PTPRD: variants seen among roughly 807,000 people sequenced by gnomAD.
The protein encoded by PTPRD is protein tyrosine phosphatase receptor type D, also known as receptor-type tyrosine-protein phosphatase delta.
A neutral mutation model predicts 214.5 loss-of-function variants in PTPRD; 34 were observed. That is an observed-to-expected ratio of 0.16 (90% CI 0.12 to 0.21). PTPRD has a LOEUF of 0.21. Ranked by LOEUF, PTPRD falls within the 10% of genes least tolerant of loss-of-function variation. The probability of loss-of-function intolerance (pLI) is 1.00; values close to 1 mark genes in which losing one functional copy is unlikely to be tolerated. For synonymous variants in PTPRD, 1,128 were observed against 845.7 expected (o/e 1.33, Z -5.79); for missense variants, 2,545 against 2,398.7 (o/e 1.06, Z -1.27).
chr9:10,001,944 G>T (rs2096329700), intron 4 of PTPRD, among the ~76,000 whole-genome samples: 1 of 151,936 alleles, frequency 6.6e-6, no homozygotes. Context: ...ACTCCTACCT[G>T]ACTTAAGAGA....
chr9:10,240,870 T>C (rs1333280057), intron 3 of PTPRD, among the ~76,000 whole-genome samples: 1 of 151,826 alleles, frequency 6.6e-6, no homozygotes, highest in Non-Finnish European at 1.5e-5. Flanking sequence ...TTAAAATAAT[T>C]AGACTTTTTC....
intron 11 of PTPRD, among the ~76,000 whole-genome samples, chr9:8,962,633 C>A (rs1468803391): frequency 6.6e-6 from 1 of 151,960 alleles, no homozygotes; most frequent in African/African-American, 2.4e-5. Flanking sequence ...CACTTAATTA[C>A]AAATTTGTTT....
chr9:10,059,574 G>C (rs1364596084), intron 3 of PTPRD, among the ~76,000 whole-genome samples: 4 of 152,030 alleles, frequency 2.6e-5, no homozygotes, highest in Non-Finnish European at 5.9e-5. Flanking sequence ...CTTTGAATTA[G>C]AGAATTTAGG....
At chr9:10,550,544 A>T (rs1483038083) in intron 2 of PTPRD, among the ~76,000 whole-genome samples, 2 of 152,194 alleles carry the variant, frequency 1.3e-5, no homozygotes, top group Non-Finnish European at 2.9e-5. Flanking sequence ...AGTCCTGTAG[A>T]ACCTACCTCA....
At chr9:8,710,522 G>A (rs1292215468) in intron 12 of PTPRD, among the ~76,000 whole-genome samples, 13 of 152,080 alleles carry the variant, frequency 8.5e-5, no homozygotes, top group Admixed American at 8.5e-4. Context: ...AGGCTGAGGT[G>A]GGAGGATCAC....
At chr9:10,289,361 C>A (rs572394176) in intron 3 of PTPRD, among the ~76,000 whole-genome samples, 3 of 152,104 alleles carry the variant, frequency 2.0e-5, no homozygotes, top group Non-Finnish European at 4.4e-5. Context: ...GTGTAAACTA[C>A]AGAGCAAGCT....
chr9:10,575,541 T>C (rs528598606), intron 2 of PTPRD, among the ~76,000 whole-genome samples: 9 of 152,118 alleles, frequency 5.9e-5, no homozygotes, highest in African/African-American at 9.7e-5. Flanking sequence ...AAAAAAGTCT[T>C]CTTTTAAATC....
At chr9:10,594,511 A>G (rs571833260) in intron 2 of PTPRD, among the ~76,000 whole-genome samples, 1 of 152,132 alleles carries the variant, frequency 6.6e-6, no homozygotes, top group African/African-American at 2.4e-5. Context: ...TTTTCTTTGA[A>G]CTGCTGATTG....
intron 14 of PTPRD, among the ~76,000 whole-genome samples, chr9:8,621,856 T>C (rs1388447734): frequency 6.6e-6 from 1 of 151,936 alleles, no homozygotes; most frequent in Non-Finnish European, 1.5e-5. Context: ...CTAATCCAAG[T>C]TGTTCAAGCC....
At chr9:9,063,257 G>A (rs1410576058) in intron 10 of PTPRD, among the ~76,000 whole-genome samples, 1 of 152,082 alleles carries the variant, frequency 6.6e-6, no homozygotes, top group African/African-American at 2.4e-5. Flanking sequence ...CTTGAAGATG[G>A]CTTCCAGTAC....
intron 2 of PTPRD, among the ~76,000 whole-genome samples, chr9:10,413,900 G>C (rs1429103128): frequency 6.6e-6 from 1 of 151,796 alleles, no homozygotes; most frequent in Non-Finnish European, 1.5e-5. Context: ...TGACTGGCTA[G>C]ACATGCAGCA....
intron 9 of PTPRD, among the ~76,000 whole-genome samples, chr9:9,287,331 A>G (rs1258889795): frequency 2.0e-5 from 3 of 151,832 alleles, no homozygotes. Context: ...CTACTATTTC[A>G]TCGTCACCTT....
chr9:9,860,376 G>T (rs1381778815), intron 5 of PTPRD, among the ~76,000 whole-genome samples: 1 of 152,212 alleles, frequency 6.6e-6, no homozygotes, highest in African/African-American at 2.4e-5. Context: ...TTGAAGAAAT[G>T]TTTGGTTGTC....
chr9:9,873,604 A>G (rs996482415), intron 5 of PTPRD, among the ~76,000 whole-genome samples: 1 of 152,178 alleles, frequency 6.6e-6, no homozygotes, highest in Non-Finnish European at 1.5e-5. Context: ...CTACATCTCC[A>G]TTAATGCCAT....
At chr9:9,136,375 G>T (rs958408361) in intron 10 of PTPRD, among the ~76,000 whole-genome samples, 1 of 151,958 alleles carries the variant, frequency 6.6e-6, no homozygotes, top group Non-Finnish European at 1.5e-5. Flanking sequence ...ACTTATATAT[G>T]TTAATTTTTA....
chr9:9,243,574 T>C (rs1272723647), intron 9 of PTPRD, among the ~76,000 whole-genome samples: 2 of 152,166 alleles, frequency 1.3e-5, no homozygotes, highest in African/African-American at 2.4e-5. Flanking sequence ...GAAAAGGCCT[T>C]CGATAAAATT....
At chr9:8,716,428 A>C (rs993425924) in intron 12 of PTPRD, among the ~76,000 whole-genome samples, 1 of 152,214 alleles carries the variant, frequency 6.6e-6, no homozygotes, top group Non-Finnish European at 1.5e-5. Flanking sequence ...CACAAACAGA[A>C]TCAGCCCAAA....
intron 11 of PTPRD, among the ~76,000 whole-genome samples, chr9:8,854,539 C>G (rs1350644444): frequency 1.3e-5 from 2 of 152,172 alleles, no homozygotes; most frequent in Non-Finnish European, 2.9e-5. Context: ...CTTTTACAAA[C>G]AGTCACCCTT....
At chr9:9,105,600 G>A (rs1190588172) in intron 10 of PTPRD, among the ~76,000 whole-genome samples, 2 of 152,178 alleles carry the variant, frequency 1.3e-5, no homozygotes, top group Non-Finnish European at 2.9e-5. Context: ...GCTCTCACAA[G>A]ATTAGAGGTG....
Sources: gnomAD v4.1 joint callset for allele counts (sites outside exome capture counted in the v4.1 genomes callset) on GRCh38, gnomAD v4.1.1 for gene constraint, MANE v1.5 for transcripts, NCBI Gene and HGNC (gene_info 2026-07-23, HGNC 2026-07-21) for gene names.